Variants in IL34 observed in about 807,000 individuals in gnomAD.
IL34 encodes interleukin 34.
In IL34, 17 loss-of-function variants were observed where a neutral mutation model predicts 25.3. That is an observed-to-expected ratio of 0.67 (90% CI 0.46 to 1.01). The LOEUF (loss-of-function observed/expected upper bound fraction) is 1.01, where lower values mean the gene tolerates loss of function less well. Among genes scored for constraint, IL34 ranks in the 50% least tolerant of loss-of-function variants. IL34 has a pLI of 0.00. For missense variants in IL34, 368 were observed against 312.9 expected (o/e 1.18, Z -1.33); for synonymous variants, 174 against 140.9 (o/e 1.23, Z -1.66).
At chr16:70,641,560 T>C (rs1223584568), upstream of IL34, among the ~76,000 whole-genome samples, 1 of 144,318 alleles carries the variant, frequency 6.9e-6, no homozygotes, top group African/African-American at 2.6e-5. Flanking sequence ...TTCCTGCCTT[T>C]CTTTCTTTTT....
At chr16:70,645,222 G>T (rs1371514064), upstream of IL34, among the ~76,000 whole-genome samples, 1 of 152,110 alleles carries the variant, frequency 6.6e-6, no homozygotes, top group Admixed American at 6.6e-5. Flanking sequence ...GCAGCAGGCA[G>T]CGACTGGGGC....
chr16:70,587,265 C>T (rs1415552482), intron 1 of IL34, among the ~76,000 whole-genome samples: 3 of 151,818 alleles, frequency 2.0e-5, no homozygotes, highest in South Asian at 2.1e-4. Flanking sequence ...CCGCAGACAG[C>T]GCTGAGTTTT....
At chr16:70,600,886 G>A (rs922740901) in intron 1 of IL34, among the ~76,000 whole-genome samples, 2 of 151,816 alleles carry the variant, frequency 1.3e-5, no homozygotes, top group African/African-American at 2.4e-5. Flanking sequence ...GGGGATGCTG[G>A]GAGAAGTAGG....
Position 70,600,779 on chromosome 16 carries a change from CA to C in IL34, c.-401+20731del, listed in dbSNP as rs565712139. On this transcript the variant is annotated intron_variant, in intron 1 of 6. Coordinates refer to the IL34 transcript ENST00000429149. ...CGTGGAAAAAAGTATTTGGGAGAAA[CA>C]GGGAATGCTGGGAGAGATGGGGATG... Among the ~76,000 whole-genome samples, 948 of 152,132 alleles carry C rather than the reference CA, an allele frequency of 6.2e-3. 15 individuals carry two copies. The highest frequency in any genetic ancestry group is 0.021 in the African/African-American group (887 of 41,478).
chr16:70,629,884 TA>T (rs61154572), intron 1 of IL34, among the ~76,000 whole-genome samples: 13,960 of 152,174 alleles, frequency 0.092, 2,116 homozygotes, highest in African/African-American at 0.32. Context: ...TTTCAGTAAT[TA>T]AAAAATGTAC....
In IL34 at chr16:70,659,207, G is replaced by A. The variant is rs148110476; in HGVS notation, c.403-411G>A. ...ACCCTGCCCTGTGTATGTGACTTAAGCCTCAGTGTCTCTGTGAGGACCTTC... is the reference window on the plus strand; with the variant it reads ...ACCCTGCCCTGTGTATGTGACTTAAACCTCAGTGTCTCTGTGAGGACCTTC... On this transcript the variant is annotated intron_variant, in intron 4 of 5. Transcript: ENST00000288098. Among the ~76,000 whole-genome samples, 17 of 152,292 alleles carry A rather than the reference G, an allele frequency of 1.1e-4. 1 individual carries two copies. The highest frequency in any genetic ancestry group is 3.4e-3 in the Middle Eastern group (1 of 294).
chr16:70,602,915 G>T (rs546714433), intron 1 of IL34, among the ~76,000 whole-genome samples: 3 of 151,914 alleles, frequency 2.0e-5, no homozygotes, highest in Admixed American at 2.0e-4. Flanking sequence ...GCTTTGTCCT[G>T]GGGGCCACCG....
In IL34 at chr16:70,636,698, G is replaced by T. The variant is rs565366664; in HGVS notation, c.-400-9850G>T. On this transcript the variant is annotated intron_variant, in intron 1 of 6. Coordinates refer to the IL34 transcript ENST00000429149. The stretch of plus-strand genomic sequence containing the variant: ...GTGGGAGGATGCCTTGAGCCCAGGA[G>T]TTCGAGGCTGCAGTGAGCCTGATTG... Among the ~76,000 whole-genome samples, 13 of 152,044 alleles carry T rather than the reference G, an allele frequency of 8.6e-5. No individual in the cohort carries two copies. In the South Asian group the frequency reaches 1.0e-3, roughly 12 times the overall value.
At chr16:70,619,335 G>C (rs979184292) in intron 1 of IL34, among the ~76,000 whole-genome samples, 1 of 152,022 alleles carries the variant, frequency 6.6e-6, no homozygotes, top group African/African-American at 2.4e-5. Context: ...AAGAGGAGAC[G>C]CAAAGGAGGC....
intron 5 of IL34, 80 bp from the exon 6 acceptor site, chr16:70,659,917 A>G: frequency 6.7e-7 from 1 of 1,487,042 alleles, no homozygotes; most frequent in Non-Finnish European, 9.1e-7. Context: ...GTGGGGGACA[A>G]GCACATGCGG....
At chr16:70,596,010 CA>C (rs201758396) in intron 1 of IL34, among the ~76,000 whole-genome samples, 4,712 of 94,834 alleles carry the variant, frequency 0.05, 201 homozygotes, top group African/African-American at 0.13. Flanking sequence ...GACCCCGTCT[CA>C]AAAAAAAAAA....
chr16:70,606,334 G>A (rs2051003816), intron 1 of IL34, among the ~76,000 whole-genome samples: 1 of 152,046 alleles, frequency 6.6e-6, no homozygotes. Context: ...GGAGGTGGAG[G>A]TTGCAGTGAG....
chr16:70,636,314 G>T (rs1041462140), intron 1 of IL34, among the ~76,000 whole-genome samples: 24 of 152,090 alleles, frequency 1.6e-4, no homozygotes, highest in Admixed American at 9.2e-4. Flanking sequence ...GGGATTACAG[G>T]TGTGAGCCAC....
intron 1 of IL34, among the ~76,000 whole-genome samples, chr16:70,610,779 C>T (rs1567443584): frequency 1.3e-5 from 2 of 152,114 alleles, no homozygotes; most frequent in Non-Finnish European, 2.9e-5. Context: ...AGGGAGTAGC[C>T]GTCGGTGCGG....
In IL34 at chr16:70,646,680, G is replaced by A. The variant is rs1364285696; in HGVS notation, c.-268G>A. ...AAGGAAGACCCCGAAAGACCCCCAA[G>A]CCACCGGCTCAGACCTGCTTCTGGG... On this transcript the variant is annotated 5_prime_UTR_variant, in exon 1 of 6. Transcript: ENST00000288098. 4 of 441,718 alleles carry A rather than the reference G, an allele frequency of 9.1e-6. No individual in the cohort carries two copies. Among genetic ancestry groups the A allele is most frequent in the Non-Finnish European group, 1.6e-5 (4 of 252,918 alleles). 27.4% of individuals were successfully genotyped at this position (441,718 alleles called of 1,614,324 possible). A position where few individuals can be genotyped will look rare whatever the true frequency, so the allele number is the denominator to read the frequency against.
intron 4 of IL34, among the ~76,000 whole-genome samples, chr16:70,657,546 C>T (rs2052264439): frequency 6.6e-6 from 1 of 152,134 alleles, no homozygotes; most frequent in Non-Finnish European, 1.5e-5. Context: ...GTAATCCCAG[C>T]ACTTTGGGAG....
chr16:70,624,828 GA>G (rs879220084), intron 1 of IL34, among the ~76,000 whole-genome samples: 96 of 152,056 alleles, frequency 6.3e-4, no homozygotes, highest in Middle Eastern at 3.4e-3. Context: ...GCTTGGCCTG[GA>G]GAGGAGGGGA....
At chr16:70,651,814 A>G (rs184000905) in intron 1 of IL34, among the ~76,000 whole-genome samples, 110 of 152,060 alleles carry the variant, frequency 7.2e-4, no homozygotes, top group Admixed American at 2.7e-3. Context: ...ACAATAATAC[A>G]TATGGATTAT....
upstream of IL34, among the ~76,000 whole-genome samples, chr16:70,644,719 G>A (rs920720983): frequency 7.0e-6 from 1 of 142,444 alleles, no homozygotes; most frequent in African/African-American, 2.6e-5. Flanking sequence ...AGGGGGAGGA[G>A]GAGGGGGAGG....
Sources: allele counts gnomAD v4.1 joint callset (sites outside exome capture counted in the v4.1 genomes callset), GRCh38; gene constraint gnomAD v4.1.1; transcripts MANE v1.5; gene names NCBI Gene and HGNC (gene_info 2026-07-23, HGNC 2026-07-21).